The following WDR7 variants were observed in gnomAD, a reference collection of about 807,000 sequenced individuals.
The protein encoded by WDR7 is WD repeat-containing protein 7.
Under a neutral mutation model 169.4 loss-of-function variants are expected in WDR7, and 46 were observed. That is an observed-to-expected ratio of 0.27 (90% CI 0.21 to 0.35). WDR7 has a LOEUF of 0.35. Among genes scored for constraint, WDR7 ranks in the 10% least tolerant of loss-of-function variants. WDR7 has a pLI of 1.00. For missense variants in WDR7, 1,534 were observed against 1,859.3 expected (o/e 0.83, Z 3.22); for synonymous variants, 612 against 666.8 (o/e 0.92, Z 1.27).
chr18:56,652,619 A>G (rs1030654408), intron 1 of WDR7, among the ~76,000 whole-genome samples: 1 of 152,264 alleles, frequency 6.6e-6, no homozygotes, highest in Non-Finnish European at 1.5e-5. Context: ...AGAACAATAC[A>G]TATTAGTTAT....
In WDR7 at chr18:56,709,988, T is replaced by TTATA. The variant is rs202029110; in HGVS notation, c.1579-7965_1579-7962dup. On this transcript the variant is annotated intron_variant, in intron 12 of 27. Transcript: ENST00000254442. ...CTTCTACAATTAAGAGAACCACAAT[T>TTATA]TATATATATATATAGTTGTTTTTTT... Among the ~76,000 whole-genome samples the TTATA allele has an allele frequency of 1.4e-3, 204 of 147,610 alleles. 1 individual carries two copies. Among genetic ancestry groups the TTATA allele is most frequent in the African/African-American group, 4.9e-3 (194 of 39,738 alleles).
chr18:56,711,065 T>C (rs1447908294), intron 12 of WDR7, among the ~76,000 whole-genome samples: 4 of 152,176 alleles, frequency 2.6e-5, no homozygotes, highest in Non-Finnish European at 4.4e-5. Context: ...TTGCTTTTTT[T>C]TTTCCTCTCC....
At chr18:56,954,101 G>A (rs1050974205) in intron 25 of WDR7, among the ~76,000 whole-genome samples, 1 of 152,106 alleles carries the variant, frequency 6.6e-6, no homozygotes, top group Non-Finnish European at 1.5e-5. Flanking sequence ...AAGGACTTGG[G>A]ATATAATTTT....
At chr18:56,755,061 G>T (rs77599326) in intron 14 of WDR7, among the ~76,000 whole-genome samples, 1,970 of 149,784 alleles carry the variant, frequency 0.013, 21 homozygotes, top group East Asian at 0.033. Flanking sequence ...CTCCCTTTAT[G>T]TTTCTTTTAC....
intron 12 of WDR7, among the ~76,000 whole-genome samples, chr18:56,700,333 T>C (rs1179396495): frequency 1.5e-5 from 2 of 130,206 alleles, no homozygotes; most frequent in Non-Finnish European, 3.1e-5. Flanking sequence ...CTCGGCTCAC[T>C]GCAACCTCCA....
intron 1 of WDR7, among the ~76,000 whole-genome samples, chr18:56,666,158 C>T (rs2025016690): frequency 6.6e-6 from 1 of 150,922 alleles, no homozygotes; most frequent in Non-Finnish European, 1.5e-5. Flanking sequence ...GGGCACATAG[C>T]ATCCATCATA....
At chr18:56,689,374 C>T (rs1167877431) in intron 7 of WDR7, among the ~76,000 whole-genome samples, 3 of 152,188 alleles carry the variant, frequency 2.0e-5, no homozygotes, top group Admixed American at 6.5e-5. Context: ...GATTCTCCTG[C>T]CTCAGCCTCC....
At chr18:56,721,010 G>C (rs757136865) in intron 13 of WDR7, among the ~76,000 whole-genome samples, 1 of 151,614 alleles carries the variant, frequency 6.6e-6, no homozygotes, top group Non-Finnish European at 1.5e-5. Flanking sequence ...ACATCCTGGA[G>C]GTATTGACAT....
At chr18:56,785,290 A>G (rs756685189) in intron 19 of WDR7, among the ~76,000 whole-genome samples, 2 of 152,238 alleles carry the variant, frequency 1.3e-5, no homozygotes, top group Non-Finnish European at 2.9e-5. Context: ...TGAGATGATC[A>G]TTGTGGCAAG....
intron 13 of WDR7, among the ~76,000 whole-genome samples, chr18:56,718,585 G>GAGAA (rs1000222101): frequency 1.3e-5 from 2 of 152,164 alleles, no homozygotes; most frequent in Admixed American, 6.5e-5. Flanking sequence ...AAGTTCTAGA[G>GAGAA]AGAACATTTA....
intron 20 of WDR7, among the ~76,000 whole-genome samples, chr18:56,867,711 A>T (rs2045901629): frequency 6.6e-6 from 1 of 152,208 alleles, no homozygotes; most frequent in South Asian, 2.1e-4. Flanking sequence ...CAGGAGTAGT[A>T]GCATTTCCAA....
At chr18:56,750,423 C>T (rs1256510286) in intron 14 of WDR7, among the ~76,000 whole-genome samples, 4 of 151,952 alleles carry the variant, frequency 2.6e-5, no homozygotes, top group Non-Finnish European at 4.4e-5. Context: ...TTGTATATAC[C>T]TTATAATTTA....
At position 56,935,115 on chromosome 18, in the gene WDR7, C is replaced by T. The variant is rs142161661; in HGVS notation, c.3714-673C>T. Among the ~76,000 whole-genome samples the T allele has an allele frequency of 2.8e-3, 433 of 152,174 alleles. 6 individuals carry two copies. Among genetic ancestry groups the T allele is most frequent in the Admixed American group, 0.026 (396 of 15,278 alleles). On this transcript the variant is annotated intron_variant, in intron 22 of 27. Coordinates refer to ENST00000254442, the MANE Select transcript of WDR7 (RefSeq NM_015285.3). ...GGAAGATTTATTTCATTGTGTGCCT[C>T]GTCTTACAAATAGCCTGGACAACAT...
chr18:56,839,047 G>C (rs1296030893), intron 20 of WDR7, among the ~76,000 whole-genome samples: 2 of 152,032 alleles, frequency 1.3e-5, no homozygotes, highest in East Asian at 3.9e-4. Flanking sequence ...TATTGTTTAT[G>C]CTCTATACTT....
intron 26 of WDR7, among the ~76,000 whole-genome samples, chr18:56,972,404 G>A (rs182800287): frequency 2.6e-5 from 4 of 152,292 alleles, no homozygotes; most frequent in Admixed American, 2.0e-4. Context: ...AGTCTATAAC[G>A]CTTATACATC....
At chr18:56,904,105 A>G (rs1287623519) in intron 21 of WDR7, among the ~76,000 whole-genome samples, 1 of 150,146 alleles carries the variant, frequency 6.7e-6, no homozygotes, top group African/African-American at 2.5e-5. Flanking sequence ...AGTCTTTCTC[A>G]GTTGCCCAGG....
intron 26 of WDR7, among the ~76,000 whole-genome samples, chr18:57,020,026 T>C (rs935599998): frequency 6.6e-6 from 1 of 152,224 alleles, no homozygotes; most frequent in Non-Finnish European, 1.5e-5. Context: ...GTATTGTTTT[T>C]ATTAGGAGGG....
chr18:56,933,853 T>C (rs1429626459), intron 22 of WDR7, among the ~76,000 whole-genome samples: 1 of 152,188 alleles, frequency 6.6e-6, no homozygotes, highest in Non-Finnish European at 1.5e-5. Flanking sequence ...AAGCCTGGCT[T>C]TCAACCTAGA....
intron 14 of WDR7, among the ~76,000 whole-genome samples, chr18:56,745,715 G>C (rs1013624239): frequency 5.9e-5 from 9 of 152,104 alleles, no homozygotes; most frequent in African/African-American, 2.2e-4. Flanking sequence ...CCTTGTTCTA[G>C]AAAATTAGTC....
Sources: gnomAD v4.1 joint callset for allele counts (sites outside exome capture counted in the v4.1 genomes callset) on GRCh38, gnomAD v4.1.1 for gene constraint, MANE v1.5 for transcripts, NCBI Gene and HGNC (gene_info 2026-07-23, HGNC 2026-07-21) for gene names.